FRMD4B: variants seen among roughly 807,000 people sequenced by gnomAD.
FRMD4B encodes FERM domain-containing protein 4B.
A neutral mutation model predicts 141.5 loss-of-function variants in FRMD4B; 74 were observed. The observed-to-expected ratio is 0.52, with a 90% CI of 0.43 to 0.63. The LOEUF (loss-of-function observed/expected upper bound fraction) is 0.63. FRMD4B is among the 30% of genes least tolerant of loss of function. FRMD4B has a pLI of 0.00. For synonymous variants in FRMD4B, 506 were observed against 467.9 expected, an observed-to-expected ratio of 1.08 and a Z score of -1.05; for missense variants, 1,366 against 1,253.4, an observed-to-expected ratio of 1.09 and a Z score of -1.36.
At position 69,171,352 on chromosome 3, in the gene FRMD4B, A is replaced by T. The variant is rs2092584424; in HGVS notation, c.*509T>A. On this transcript the variant is annotated 3_prime_UTR_variant, in exon 23 of 23. Transcript: ENST00000398540. ...CAAGTAATTTTCCAATACTGTCTAA[A>T]TTGTCCATGTCTGTGTAGAAAGAGC... is the stretch of plus-strand genomic sequence containing the variant. 6.5e-6 allele frequency: 1 copy of T among 152,748 alleles called. No individual in the cohort carries two copies. The highest frequency in any genetic ancestry group is 1.5e-5 in the Non-Finnish European group (1 of 68,468). The allele number at this position is 152,748 out of a possible 1,614,324, so 9.5% of individuals were successfully genotyped here.
chr3:69,491,984 G>A lies in FRMD4B; in HGVS notation c.-129+50222C>T, dbSNP rs957232182. On this transcript the variant is annotated intron_variant, in intron 1 of 5. Coordinates refer to the FRMD4B transcript ENST00000459638. Reference sequence around the variant, plus strand: ...CTAAGCCTCCTCTTCCCCCTCCTCCGCCGTACCCCCGCAAGTACCAAGACA... The same window carrying A: ...CTAAGCCTCCTCTTCCCCCTCCTCCACCGTACCCCCGCAAGTACCAAGACA... Among the ~76,000 whole-genome samples, 8 of 152,192 alleles carry A rather than the reference G, an allele frequency of 5.3e-5. 1 individual carries two copies. The South Asian group carries it at 1.7e-3, about 32-fold the overall frequency.
At chr3:69,253,181 C>CTTTTTTTTTTTTTTTTTT (rs781662739) in intron 5 of FRMD4B, among the ~76,000 whole-genome samples, 1 of 121,952 alleles carries the variant, frequency 8.2e-6, no homozygotes, top group Non-Finnish European at 1.7e-5. Flanking sequence ...AATATGATTC[C>CTTTTTTTTTTTTTTTTTT]TATTTTTTTT....
chr3:69,439,698 C>CT (rs1013329119), intron 1 of FRMD4B, among the ~76,000 whole-genome samples: 1 of 152,194 alleles, frequency 6.6e-6, no homozygotes, highest in African/African-American at 2.4e-5. Flanking sequence ...AAAGTGCCAC[C>CT]TGCCACAGCT....
intron 1 of FRMD4B, among the ~76,000 whole-genome samples, chr3:69,534,088 G>C (rs1412006996): frequency 6.6e-6 from 1 of 152,190 alleles, no homozygotes; most frequent in Admixed American, 6.5e-5. Flanking sequence ...TACTGAATCA[G>C]AATCTGATCC....
intron 5 of FRMD4B, among the ~76,000 whole-genome samples, chr3:69,254,922 G>T (rs2093483998): frequency 6.6e-6 from 1 of 151,912 alleles, no homozygotes; most frequent in Admixed American, 6.6e-5. Context: ...CAATCTGAGG[G>T]ATATTCTGTA....
Position 69,170,935 on chromosome 3 carries a change from T to C in FRMD4B, c.*926A>G, listed in dbSNP as rs1340903950. The C allele has an allele frequency of 1.3e-5, 2 of 152,092 alleles. No homozygotes were observed. The highest frequency in any genetic ancestry group is 4.8e-5 in the African/African-American group (2 of 41,406). The allele number at this position is 152,092 out of a possible 1,614,324, so 9.4% of individuals were successfully genotyped here. Reference sequence around the variant, plus strand: ...GCAATTCATCTAAAATGACGTGGCTTTTTTTTTCTGTTGTTTTGGATACTT... The same window carrying C: ...GCAATTCATCTAAAATGACGTGGCTCTTTTTTTCTGTTGTTTTGGATACTT... On this transcript the variant is annotated 3_prime_UTR_variant, in exon 23 of 23. Coordinates refer to ENST00000398540, the MANE Select transcript of FRMD4B (RefSeq NM_015123.3).
At chr3:69,310,842 ATACATG>A (rs769788924) in intron 3 of FRMD4B, among the ~76,000 whole-genome samples, 24 of 152,178 alleles carry the variant, frequency 1.6e-4, no homozygotes, top group Admixed American at 5.2e-4. Context: ...ATTAAACTAT[ATACATG>A]TTTTTTAGTG....
intron 1 of FRMD4B, among the ~76,000 whole-genome samples, chr3:69,366,110 A>C (rs1703642726): frequency 7.1e-6 from 1 of 140,852 alleles, no homozygotes; most frequent in African/African-American, 2.7e-5. Flanking sequence ...CACACACAAA[A>C]TTAGCTGGTC....
chr3:69,254,277 G>GT (rs1446664850), intron 5 of FRMD4B, among the ~76,000 whole-genome samples: 3 of 151,764 alleles, frequency 2.0e-5, no homozygotes, highest in Non-Finnish European at 4.4e-5. Flanking sequence ...GCTAATTTTT[G>GT]TATTTTTTTT....
intron 1 of FRMD4B, among the ~76,000 whole-genome samples, chr3:69,539,202 C>T (rs2107176666): frequency 6.6e-6 from 1 of 152,330 alleles, no homozygotes; most frequent in East Asian, 1.9e-4. Context: ...GTGTTTTTAA[C>T]TGTTTTCCAT....
chr3:69,509,692 C>T (rs577727777), intron 1 of FRMD4B, among the ~76,000 whole-genome samples: 2 of 152,166 alleles, frequency 1.3e-5, no homozygotes, highest in South Asian at 2.1e-4. Context: ...CATTTTATTG[C>T]ACTTCACAGA....
intron 1 of FRMD4B, among the ~76,000 whole-genome samples, chr3:69,334,903 A>C (rs1269457514): frequency 6.6e-6 from 1 of 152,212 alleles, no homozygotes; most frequent in African/African-American, 2.4e-5. Context: ...AAAACAAGCA[A>C]ATCAAGCAAC....
At chr3:69,263,817 CTTTTTT>C (rs3032130) in intron 5 of FRMD4B, among the ~76,000 whole-genome samples, 5 of 68,518 alleles carry the variant, frequency 7.3e-5, no homozygotes, top group Non-Finnish European at 1.0e-4. Context: ...AACCCCATTC[CTTTTTT>C]TTTTTTTTTT....
intron 5 of FRMD4B, among the ~76,000 whole-genome samples, chr3:69,265,285 T>A (rs1399381857): frequency 0.38 from 3,552 of 9,432 alleles, 883 homozygotes; most frequent in Non-Finnish European, 0.5. Flanking sequence ...TATATATATA[T>A]ATATATATAT....
chr3:69,507,989 G>A (rs922086403), intron 1 of FRMD4B, among the ~76,000 whole-genome samples: 6 of 152,128 alleles, frequency 3.9e-5, no homozygotes, highest in Non-Finnish European at 8.8e-5. Flanking sequence ...TAAGAACAGG[G>A]ATTTCCCACA....
chr3:69,540,136 T>C (rs1701149902), intron 1 of FRMD4B, among the ~76,000 whole-genome samples: 1 of 151,412 alleles, frequency 6.6e-6, no homozygotes, highest in African/African-American at 2.4e-5. Context: ...GAGGTTGCGG[T>C]GAGCCGCGAT....
chr3:69,518,352 C>G (rs1383250206), intron 1 of FRMD4B, among the ~76,000 whole-genome samples: 2 of 152,126 alleles, frequency 1.3e-5, no homozygotes, highest in African/African-American at 4.8e-5. Flanking sequence ...CGAGTCCCTT[C>G]TTCCCTTCTT....
chr3:69,245,952 C>T (rs867692610), intron 7 of FRMD4B, among the ~76,000 whole-genome samples: 6 of 151,174 alleles, frequency 4.0e-5, no homozygotes, highest in South Asian at 2.1e-4. Flanking sequence ...ATTCTCCTTC[C>T]TCAGCCTCCC....
chr3:69,353,869 A>C (rs1703238092), intron 1 of FRMD4B, among the ~76,000 whole-genome samples: 1 of 152,226 alleles, frequency 6.6e-6, no homozygotes, highest in African/African-American at 2.4e-5. Flanking sequence ...TGGCCACTCA[A>C]ACGCTTTCTT....
Sources: gnomAD v4.1 joint callset for allele counts (sites outside exome capture counted in the v4.1 genomes callset) on GRCh38, gnomAD v4.1.1 for gene constraint, MANE v1.5 for transcripts, NCBI Gene and HGNC (gene_info 2026-07-23, HGNC 2026-07-21) for gene names.